The following PRICKLE2 variants were observed in gnomAD, a reference collection of about 807,000 sequenced individuals.
PRICKLE2 encodes the protein prickle planar cell polarity protein 2.
In PRICKLE2, 21 loss-of-function variants were observed where a neutral mutation model predicts 81.4. The observed-to-expected ratio is 0.26, with a 90% confidence interval of 0.18 to 0.37. PRICKLE2 has a LOEUF of 0.37. Among genes scored for constraint, PRICKLE2 ranks in the 10% least tolerant of loss-of-function variants. The probability of loss-of-function intolerance (pLI) is 1.00; values close to 1 mark genes in which losing one functional copy is unlikely to be tolerated. For synonymous variants in PRICKLE2, 456 were observed against 421.5 expected, an observed-to-expected ratio of 1.08 and a Z score of -1.00; for missense variants, 940 against 1,109.0, an observed-to-expected ratio of 0.85 and a Z score of 2.16.
At chr3:64,179,001 TTCTTTC>T (rs1395489906) in intron 2 of PRICKLE2, among the ~76,000 whole-genome samples, 4 of 149,146 alleles carry the variant, frequency 2.7e-5, no homozygotes, top group African/African-American at 1.0e-4. Flanking sequence ...CTTTCTTTCT[TTCTTTC>T]TTTCTTTCTT....
At chr3:64,259,853 C>G (rs1003147438) in intron 2 of PRICKLE2, among the ~76,000 whole-genome samples, 2 of 152,150 alleles carry the variant, frequency 1.3e-5, no homozygotes, top group African/African-American at 4.8e-5. Flanking sequence ...AGACAGCCAA[C>G]ACCCTGACTT....
Position 64,096,192 on chromosome 3 carries a change from A to C in PRICKLE2, c.*2859T>G, listed in dbSNP as rs1228941106. The C allele has an allele frequency of 6.6e-6, 1 of 152,288 alleles. No individual in the cohort carries two copies. Among genetic ancestry groups the C allele is most frequent in the African/African-American group, 2.4e-5 (1 of 41,458 alleles). The allele number at this position is 152,288 out of a possible 1,614,324, so 9.4% of individuals were successfully genotyped here. On this transcript the variant is annotated 3_prime_UTR_variant, in exon 8 of 8. Coordinates refer to ENST00000638394, the MANE Select transcript of PRICKLE2 (RefSeq NM_198859.4). Reference sequence around the variant, plus strand: ...AAAATAACAACCAGGGCATTGGAGAAGAGAGAACGCTGGAAAAAGATTACT... The same window carrying C: ...AAAATAACAACCAGGGCATTGGAGACGAGAGAACGCTGGAAAAAGATTACT...
At chr3:64,110,959 CAAAA>C (rs550808708) in intron 7 of PRICKLE2, among the ~76,000 whole-genome samples, 185 of 63,846 alleles carry the variant, frequency 2.9e-3, no homozygotes, top group Non-Finnish European at 3.9e-3. Flanking sequence ...GACTCCATCT[CAAAA>C]AAAAAAAAAA....
chr3:64,198,653 T>A (rs923745039), intron 2 of PRICKLE2, 131 bp downstream of exon 2: 6 of 1,014,780 alleles, frequency 5.9e-6, no homozygotes. Context: ...CCTGGCATCT[T>A]CAACATATTT....
rs759516110 is a variant in PRICKLE2 at position 64,099,949 on chromosome 3, C to T, written c.1661-24G>A. Reference sequence around the variant, plus strand: ...GCCTGGGGAAGAGAGGAGGGGACCACAGAGATTAATACAGATGTGCAGCAA... The same window carrying T: ...GCCTGGGGAAGAGAGGAGGGGACCATAGAGATTAATACAGATGTGCAGCAA... On this transcript the variant is annotated intron_variant, in intron 7 of 7. Coordinates refer to ENST00000638394, the MANE Select transcript of PRICKLE2 (RefSeq NM_198859.4). The surrounding 1 kb of genome is among the most constrained non-coding windows in gnomAD (Gnocchi z 4.3). The T allele has an allele frequency of 8.1e-6, 13 of 1,612,980 alleles. No homozygotes were observed. The East Asian group carries it at 2.7e-4, about 33-fold the overall frequency.
intron 3 of PRICKLE2, among the ~76,000 whole-genome samples, chr3:64,161,195 T>C (rs2077727540): frequency 6.6e-6 from 1 of 152,226 alleles, no homozygotes; most frequent in African/African-American, 2.4e-5. Context: ...TCACAAGGAA[T>C]ACAATACAAC....
chr3:64,095,877 T>C lies in PRICKLE2; in HGVS notation c.*3174A>G, dbSNP rs1416589578. On this transcript the variant is annotated 3_prime_UTR_variant, in exon 8 of 8. Transcript: ENST00000638394. ...CAGGAAGCATGGTTCTGATCTCCCTTACCTCATTCACCTTCACACTTGGTA... is the reference window on the plus strand; with the variant it reads ...CAGGAAGCATGGTTCTGATCTCCCTCACCTCATTCACCTTCACACTTGGTA... 2 of 152,218 alleles carry C rather than the reference T, an allele frequency of 1.3e-5. No homozygotes were observed. Among genetic ancestry groups the C allele is most frequent in the East Asian group, 3.8e-4 (2 of 5,200 alleles). 9.4% of individuals were successfully genotyped at this position (152,218 alleles called of 1,614,324 possible).
intron 1 of PRICKLE2, among the ~76,000 whole-genome samples, chr3:64,216,234 C>T (rs1007707173): frequency 6.6e-6 from 1 of 152,212 alleles, no homozygotes; most frequent in African/African-American, 2.4e-5. Flanking sequence ...CAGTTTTAAA[C>T]CTTTCGGGTG....
intron 7 of PRICKLE2, among the ~76,000 whole-genome samples, chr3:64,123,306 G>A (rs150437487): frequency 1.3e-5 from 2 of 152,330 alleles, no homozygotes; most frequent in African/African-American, 4.8e-5. Context: ...TGGACCAACA[G>A]TGAAGGATGA....
intron 2 of PRICKLE2, among the ~76,000 whole-genome samples, chr3:64,263,058 C>T (rs1318563498): frequency 6.6e-6 from 1 of 152,132 alleles, no homozygotes; most frequent in Non-Finnish European, 1.5e-5. Context: ...CTTCTCATAG[C>T]CTTTGAATTG....
chr3:64,121,571 G>C (rs930843375), intron 7 of PRICKLE2, among the ~76,000 whole-genome samples: 3 of 151,236 alleles, frequency 2.0e-5, no homozygotes, highest in Non-Finnish European at 4.4e-5. Context: ...AACAGATCCT[G>C]TCTTTATTTA....
chr3:64,208,974 A>G (rs991984089), intron 1 of PRICKLE2, among the ~76,000 whole-genome samples: 1 of 152,048 alleles, frequency 6.6e-6, no homozygotes, highest in Admixed American at 6.5e-5. Flanking sequence ...ATATCTATCC[A>G]TCCATCCACC....
At chr3:64,176,425 T>C (rs930183712) in intron 2 of PRICKLE2, among the ~76,000 whole-genome samples, 1 of 152,236 alleles carries the variant, frequency 6.6e-6, no homozygotes, top group African/African-American at 2.4e-5. Context: ...AATTAGTCCA[T>C]TACCCTCCTC....
At position 64,193,613 on chromosome 3, in the gene PRICKLE2, T is replaced by C. The variant is rs146209333; in HGVS notation, c.144+5171A>G. ...ATATACTCCTACACACATAGAAACT[T>C]GAATATACAGGCTGATATGGTTTGG... On this transcript the variant is annotated intron_variant, in intron 2 of 7. Transcript: ENST00000638394. Among the ~76,000 whole-genome samples, 1,384 of 152,288 alleles carry C rather than the reference T, an allele frequency of 9.1e-3. 9 individuals carry two copies. Among genetic ancestry groups the C allele is most frequent in the Non-Finnish European group, 0.014 (949 of 68,024 alleles).
chr3:64,181,106 A>G (rs757674591), intron 2 of PRICKLE2, among the ~76,000 whole-genome samples: 5 of 152,214 alleles, frequency 3.3e-5, no homozygotes, highest in Non-Finnish European at 7.3e-5. Context: ...GAAATAAATC[A>G]CCACTGATAA....
chr3:64,244,947 A>C (rs894916433), intron 2 of PRICKLE2, among the ~76,000 whole-genome samples: 4 of 152,146 alleles, frequency 2.6e-5, no homozygotes, highest in African/African-American at 4.8e-5. Flanking sequence ...CCAAGTTTTG[A>C]TCCATGTGTG....
chr3:64,152,017 G>A (rs929701), intron 6 of PRICKLE2, among the ~76,000 whole-genome samples: 13,911 of 152,240 alleles, frequency 0.091, 661 homozygotes, highest in Non-Finnish European at 0.1. Context: ...ACAAAGCACC[G>A]TTGAGCACAC....
upstream of PRICKLE2, among the ~76,000 whole-genome samples, chr3:64,226,632 A>G (rs886449281): frequency 6.6e-6 from 1 of 152,228 alleles, no homozygotes; most frequent in African/African-American, 2.4e-5. Context: ...CACATACTCA[A>G]TAGCTATTTC....
At chr3:64,246,075 C>G (rs1223733528) in intron 2 of PRICKLE2, among the ~76,000 whole-genome samples, 1 of 152,018 alleles carries the variant, frequency 6.6e-6, no homozygotes, top group Non-Finnish European at 1.5e-5. Context: ...CAAAACCCCT[C>G]TGCAAAAAAC....
Sources: gnomAD v4.1 joint callset for allele counts (sites outside exome capture counted in the v4.1 genomes callset) on GRCh38, gnomAD v4.1.1 for gene constraint, Gnocchi (gnomAD v3.1) non-coding constraint, MANE v1.5 for transcripts, NCBI Gene and HGNC (gene_info 2026-07-23, HGNC 2026-07-21) for gene names.